SAMD5: variants seen among roughly 807,000 people sequenced by gnomAD.
SAMD5 encodes the protein sterile alpha motif domain-containing protein 5.
A neutral mutation model predicts 11.3 loss-of-function variants in SAMD5; 13 were observed. That is an observed-to-expected ratio of 1.15 (90% CI 0.75 to 1.83). The LOEUF (loss-of-function observed/expected upper bound fraction) is 1.83, where lower values mean the gene tolerates loss of function less well. SAMD5 is among the 40% of genes most tolerant of loss of function. The probability of loss-of-function intolerance (pLI) is 0.00; values close to 1 mark genes in which losing one functional copy is unlikely to be tolerated. For missense variants in SAMD5, 255 were observed against 239.1 expected (o/e 1.07, Z -0.44); for synonymous variants, 129 against 111.3 (o/e 1.16, Z -1.00).
chr6:147,632,296 G>A (rs1037763397), intron 1 of SAMD5, among the ~76,000 whole-genome samples: 2 of 152,270 alleles, frequency 1.3e-5, no homozygotes, highest in African/African-American at 4.8e-5. Flanking sequence ...TGCATAGTGA[G>A]GAAACCTCTT....
chr6:147,677,915 T>C (rs1790887891), intron 1 of SAMD5, among the ~76,000 whole-genome samples: 1 of 152,126 alleles, frequency 6.6e-6, no homozygotes, highest in Non-Finnish European at 1.5e-5. Context: ...TATATTACCC[T>C]GAAAATAGCT....
chr6:147,888,885 CAA>C, the SAMD5 span, among the ~76,000 whole-genome samples: 31,384 of 134,678 alleles, frequency 0.23, 4,885 homozygotes, highest in African/African-American at 0.45. Context: ...AACTCCATCT[CAA>C]AAAAAAAAAA....
At chr6:147,873,180 C>T in the SAMD5 span, among the ~76,000 whole-genome samples, 6 of 151,996 alleles carry the variant, frequency 3.9e-5, no homozygotes, top group Non-Finnish European at 7.4e-5. Flanking sequence ...AGATTGAGAC[C>T]ATCCTGGCCA....
intron 1 of SAMD5, among the ~76,000 whole-genome samples, chr6:147,525,521 T>C (rs1221999124): frequency 6.6e-6 from 1 of 151,890 alleles, no homozygotes; most frequent in Non-Finnish European, 1.5e-5. Flanking sequence ...TCCGAAGTGT[T>C]AGTAGCTAGA....
chr6:147,839,708 C>T, the SAMD5 span, among the ~76,000 whole-genome samples: 1 of 152,264 alleles, frequency 6.6e-6, no homozygotes, highest in African/African-American at 2.4e-5. Flanking sequence ...TGAGGTGGCA[C>T]CACTGCACTC....
intron 1 of SAMD5, among the ~76,000 whole-genome samples, chr6:147,638,579 A>C (rs12199915): frequency 0.48 from 73,278 of 151,986 alleles, 19,463 homozygotes; most frequent in South Asian, 0.66. Flanking sequence ...GCCCAGCAGG[A>C]CTTGCCCTCA....
At chr6:147,835,247 C>CAA in the SAMD5 span, among the ~76,000 whole-genome samples, 50 of 137,980 alleles carry the variant, frequency 3.6e-4, 3 homozygotes, top group African/African-American at 1.1e-3. Flanking sequence ...AAAAAAAAAA[C>CAA]AAAAAAAACA....
At chr6:147,611,886 A>G (rs916415372) in intron 1 of SAMD5, among the ~76,000 whole-genome samples, 1 of 152,200 alleles carries the variant, frequency 6.6e-6, no homozygotes, top group Non-Finnish European at 1.5e-5. Context: ...TGGGAAAAGG[A>G]CAATTGTCAT....
chr6:147,802,423 G>T, the SAMD5 span, among the ~76,000 whole-genome samples: 1 of 151,568 alleles, frequency 6.6e-6, no homozygotes, highest in African/African-American at 2.4e-5. Context: ...TTTTTGCAAG[G>T]ATGTGGAACA....
the SAMD5 span, among the ~76,000 whole-genome samples, chr6:147,857,902 C>T: frequency 6.6e-6 from 1 of 152,320 alleles, no homozygotes; most frequent in Admixed American, 6.5e-5. Flanking sequence ...TTACTGTCAC[C>T]TTTGAAGTCT....
intron 1 of SAMD5, among the ~76,000 whole-genome samples, chr6:147,628,437 A>C (rs1322219862): frequency 6.6e-6 from 1 of 152,194 alleles, no homozygotes; most frequent in Non-Finnish European, 1.5e-5. Flanking sequence ...TTGAGAATGA[A>C]AGAAATGAAA....
At chr6:147,820,281 A>G in the SAMD5 span, among the ~76,000 whole-genome samples, 1 of 152,226 alleles carries the variant, frequency 6.6e-6, no homozygotes, top group Non-Finnish European at 1.5e-5. Flanking sequence ...TTGACAAACC[A>G]GCACCCTGAT....
At chr6:147,534,199 G>A (rs1398811649) in intron 1 of SAMD5, among the ~76,000 whole-genome samples, 1 of 152,208 alleles carries the variant, frequency 6.6e-6, no homozygotes, top group Non-Finnish European at 1.5e-5. Context: ...TGAGGGCGGT[G>A]AGCCCTTTTA....
At chr6:147,558,832 A>C (rs1261096609) in intron 1 of SAMD5, among the ~76,000 whole-genome samples, 1 of 152,076 alleles carries the variant, frequency 6.6e-6, no homozygotes, top group Non-Finnish European at 1.5e-5. Flanking sequence ...CCAGGTGATA[A>C]TTATGGTTCA....
At chr6:147,811,295 A>G in the SAMD5 span, among the ~76,000 whole-genome samples, 23 of 152,214 alleles carry the variant, frequency 1.5e-4, no homozygotes, top group African/African-American at 5.5e-4. Flanking sequence ...AGGAAATAAT[A>G]TAAATAAAAG....
chr6:147,575,115 G>T (rs1349693469), intron 1 of SAMD5, among the ~76,000 whole-genome samples: 1 of 152,184 alleles, frequency 6.6e-6, no homozygotes, highest in African/African-American at 2.4e-5. Context: ...ACATAACAAT[G>T]AAAGCAAAGC....
the SAMD5 span, among the ~76,000 whole-genome samples, chr6:147,948,916 A>G: frequency 2.0e-5 from 3 of 152,216 alleles, no homozygotes; most frequent in Non-Finnish European, 4.4e-5. Flanking sequence ...TTTTGACCCC[A>G]TGCTGTTTGC....
At chr6:147,900,782 T>C in the SAMD5 span, among the ~76,000 whole-genome samples, 2 of 152,172 alleles carry the variant, frequency 1.3e-5, no homozygotes. Context: ...CCAGATTAGA[T>C]GTAATGCCAC....
intron 1 of SAMD5, among the ~76,000 whole-genome samples, chr6:147,668,335 A>G (rs1424861151): frequency 3.9e-5 from 6 of 152,214 alleles, no homozygotes; most frequent in South Asian, 2.1e-4. Flanking sequence ...ACATCAATAC[A>G]TAAGACTCTA....
Sources: allele counts gnomAD v4.1 joint callset (sites outside exome capture counted in the v4.1 genomes callset), GRCh38; gene constraint gnomAD v4.1.1; transcripts MANE v1.5; gene names NCBI Gene and HGNC (gene_info 2026-07-23, HGNC 2026-07-21).